The following ZFTRAF1 variants were observed in gnomAD, a reference collection of about 807,000 sequenced individuals.
ZFTRAF1 encodes the protein zinc finger TRAF-type-containing protein 1.
At chr8:144,462,831 G>GACCCCGGCACGGCCGCCA in the ZFTRAF1 span, 1 of 152,060 alleles carries the variant, frequency 6.6e-6, no homozygotes, top group Non-Finnish European at 1.5e-5. Flanking sequence ...CGCGGCCACC[G>GACCCCGGCACGGCCGCCA]ACCCCGGCAC....
chr8:144,450,451 G>C, the ZFTRAF1 span: 75 of 718,116 alleles, frequency 1.0e-4, no homozygotes, highest in Non-Finnish European at 1.7e-4. Flanking sequence ...TGCACTCCAC[G>C]GAGTCAATGA....
At chr8:144,452,702 C>G in the ZFTRAF1 span, 4 of 808,396 alleles carry the variant, frequency 4.9e-6, no homozygotes, top group South Asian at 3.4e-5. Flanking sequence ...AGCCCACCCC[C>G]CAGGATGAGG....
chr8:144,461,213 GCTC>G, the ZFTRAF1 span, among the ~76,000 whole-genome samples: 1 of 152,214 alleles, frequency 6.6e-6, no homozygotes, highest in Non-Finnish European at 1.5e-5. Flanking sequence ...TACAAAAGTA[GCTC>G]CTCATCCAGG....
chr8:144,452,308 G>T, the ZFTRAF1 span: 4 of 1,535,560 alleles, frequency 2.6e-6, no homozygotes, highest in Non-Finnish European at 2.6e-6. Context: ...CTGGCTGCCA[G>T]CCCCCCAACC....
chr8:144,455,943 C>T, the ZFTRAF1 span: 1 of 152,394 alleles, frequency 6.6e-6, no homozygotes, highest in Non-Finnish European at 1.5e-5. Context: ...GGCCTCATTC[C>T]TTTGGGGCCT....
chr8:144,453,604 C>G, the ZFTRAF1 span: 1 of 718,572 alleles, frequency 1.4e-6, no homozygotes, highest in Non-Finnish European at 2.3e-6. Flanking sequence ...CCGAGTCGTG[C>G]TGGAGTGTGG....
the ZFTRAF1 span, chr8:144,452,314 C>G: frequency 1.3e-6 from 2 of 1,540,452 alleles, no homozygotes; most frequent in African/African-American, 2.7e-5. Flanking sequence ...GCCAGCCCCC[C>G]AACCCACACC....
chr8:144,458,802 A>G, the ZFTRAF1 span, among the ~76,000 whole-genome samples: 7 of 152,214 alleles, frequency 4.6e-5, no homozygotes, highest in African/African-American at 1.4e-4. Context: ...AGAGGTGGGC[A>G]GGGGCAGGGA....
At chr8:144,450,942 G>C in the ZFTRAF1 span, among the ~76,000 whole-genome samples, 2 of 152,268 alleles carry the variant, frequency 1.3e-5, no homozygotes, top group Non-Finnish European at 2.9e-5. Flanking sequence ...GGCAAATGGA[G>C]GTGCACACAA....
chr8:144,462,301 G>C, the ZFTRAF1 span: 2 of 598,818 alleles, frequency 3.3e-6, no homozygotes, highest in African/African-American at 3.9e-5. Flanking sequence ...CGGAGGCCTT[G>C]GGCAGGTCCA....
the ZFTRAF1 span, among the ~76,000 whole-genome samples, chr8:144,459,638 T>C: frequency 3.9e-5 from 6 of 152,312 alleles, no homozygotes; most frequent in South Asian, 1.2e-3. Flanking sequence ...GCATCTGGTA[T>C]CTGGATGACA....
chr8:144,450,713 G>A, the ZFTRAF1 span: 2 of 716,422 alleles, frequency 2.8e-6, no homozygotes, highest in African/African-American at 1.7e-5. Flanking sequence ...GAACCTGGGC[G>A]TCTCATAGTA....
chr8:144,450,205 G>A, the ZFTRAF1 span: 44 of 582,482 alleles, frequency 7.6e-5, no homozygotes, highest in African/African-American at 6.0e-4. Context: ...GGGGTGAGCC[G>A]GAGGCGGGGG....
At chr8:144,452,907 T>C in the ZFTRAF1 span, among the ~76,000 whole-genome samples, 1 of 152,258 alleles carries the variant, frequency 6.6e-6, no homozygotes, top group South Asian at 2.1e-4. Flanking sequence ...CCATGGGCAG[T>C]GTACCCTCAC....
At chr8:144,451,762 G>A in the ZFTRAF1 span, 1 of 166,782 alleles carries the variant, frequency 6.0e-6, no homozygotes, top group Non-Finnish European at 1.3e-5. Flanking sequence ...GCGGCCCAGA[G>A]AGCCACGAGA....
chr8:144,452,586 A>G, the ZFTRAF1 span: 1 of 1,533,572 alleles, frequency 6.5e-7, no homozygotes, highest in South Asian at 1.2e-5. Context: ...GGAGGCAGGT[A>G]CATCACTCAC....
the ZFTRAF1 span, chr8:144,450,828 G>GC: frequency 3.1e-6 from 2 of 642,112 alleles, no homozygotes; most frequent in South Asian, 1.7e-5. Flanking sequence ...GGGCTGGGCA[G>GC]CAACGCCTTC....
At chr8:144,453,505 C>G in the ZFTRAF1 span, 4 of 1,472,424 alleles carry the variant, frequency 2.7e-6, no homozygotes, top group Non-Finnish European at 2.8e-6. Context: ...CCTGCGGGCT[C>G]ATGCTCGCAC....
chr8:144,450,424 G>A, the ZFTRAF1 span: 1 of 717,880 alleles, frequency 1.4e-6, no homozygotes, highest in Admixed American at 2.0e-5. Flanking sequence ...TGATGTTCTT[G>A]GCAGCCAGCA....
Sources: allele counts gnomAD v4.1 joint callset (sites outside exome capture counted in the v4.1 genomes callset), GRCh38; gene constraint gnomAD v4.1.1; transcripts MANE v1.5; gene names NCBI Gene and HGNC (gene_info 2026-07-23, HGNC 2026-07-21).